ARF4: variants seen among roughly 807,000 people sequenced by gnomAD.
The protein encoded by ARF4 is ARF GTPase 4.
A neutral mutation model predicts 24.3 loss-of-function variants in ARF4; 5 were observed. The ratio of observed to expected loss-of-function variants is 0.21; its 90% CI spans 0.11 to 0.43. ARF4 has a LOEUF of 0.43. ARF4 is among the 20% of genes least tolerant of loss of function. ARF4 has a pLI of 1.00. For missense variants in ARF4, 107 were observed against 213.0 expected (o/e 0.50, Z 3.10); for synonymous variants, 62 against 73.5 (o/e 0.84, Z 0.80).
At chr3:57,593,034 A>T (rs777675129) in intron 1 of ARF4, among the ~76,000 whole-genome samples, 1 of 152,012 alleles carries the variant, frequency 6.6e-6, no homozygotes, top group African/African-American at 2.4e-5. Flanking sequence ...CAAGACCCCC[A>T]TTCTCTACAA....
chr3:57,597,119 G>A lies in ARF4; in HGVS notation c.22C>T (p.Leu8Phe), dbSNP rs2070199209. 6.2e-7 allele frequency: 1 copy of A among 1,614,126 alleles called. No homozygotes were observed. The highest frequency in any genetic ancestry group is 8.5e-7 in the Non-Finnish European group (1 of 1,179,976). Residue 8 changes from leucine (L) to phenylalanine (F), a missense_variant, in exon 1 of 6, where the codon CTC becomes TTC. Physicochemically the swap from Leu to Phe is conservative, Grantham distance 22. Coordinates refer to ENST00000303436, the MANE Select transcript of ARF4 (RefSeq NM_001660.4). ...TTCTTGCCAAATAGTCGGGAGAAGA[G>A]GGAGGAGATAGTGAGGCCCATGGCG... MGLTISSLFSRLFGKKQM... is the reference protein window; with the variant it reads MGLTISSFFSRLFGKKQM...
rs1415169700 is a variant in ARF4 at position 57,597,289 on chromosome 3, T to C, written c.-149A>G. On this transcript the variant is annotated 5_prime_UTR_variant, in exon 1 of 6. Transcript: ENST00000303436. ...GAGGCAGAAACGTCTCAGTGGCCCC[T>C]GTGCCGATGAAGATCCGGCACAGGA... The C allele has an allele frequency of 8.5e-6, 6 of 703,546 alleles. No individual in the cohort carries two copies. Among genetic ancestry groups the C allele is most frequent in the African/African-American group, 1.8e-5 (1 of 55,132 alleles). 43.6% of individuals were successfully genotyped at this position (703,546 alleles called of 1,614,324 possible).
chr3:57,577,186 T>G (rs898105873), intron 4 of ARF4, 130 bp downstream of exon 4: 48 of 760,958 alleles, frequency 6.3e-5, no homozygotes, highest in Non-Finnish European at 1.0e-4. Context: ...TAATATAGTT[T>G]CTTAAGTTTA....
chr3:57,582,810 C>T lies in ARF4; in HGVS notation c.258+1088G>A, dbSNP rs114919342. On this transcript the variant is annotated intron_variant, in intron 3 of 5. Coordinates refer to ENST00000303436, the MANE Select transcript of ARF4 (RefSeq NM_001660.4). The stretch of plus-strand genomic sequence containing the variant: ...TTCCTTGGGTGGTAGAAAACACAAT[C>T]GAGGTGGGACCAGGTTAAACAAAGG... 3.1e-3 allele frequency among the ~76,000 whole-genome samples: 473 copies of T among 152,222 alleles called. 2 individuals carry two copies. Among genetic ancestry groups the T allele is most frequent in the African/African-American group, 0.011 (447 of 41,540 alleles).
At chr3:57,572,625 G>A (rs571335561) in intron 5 of ARF4, among the ~76,000 whole-genome samples, 184 of 152,234 alleles carry the variant, frequency 1.2e-3, no homozygotes, top group Non-Finnish European at 2.3e-3. Context: ...GCAGTGAGCC[G>A]AGGCTGTGCC....
intron 1 of ARF4, among the ~76,000 whole-genome samples, chr3:57,585,036 G>A (rs984785606): frequency 8.5e-5 from 13 of 152,098 alleles, no homozygotes; most frequent in African/African-American, 2.9e-4. Flanking sequence ...GCTAATTTTT[G>A]TATTTTTAGT....
intron 3 of ARF4, among the ~76,000 whole-genome samples, chr3:57,582,110 C>T (rs1057186309): frequency 2.0e-5 from 3 of 152,168 alleles, no homozygotes; most frequent in Non-Finnish European, 4.4e-5. Flanking sequence ...ACAGTGGTTT[C>T]TGGTCCCAAG....
intron 1 of ARF4, among the ~76,000 whole-genome samples, chr3:57,587,955 CAT>C (rs1420732659): frequency 6.6e-6 from 1 of 152,166 alleles, no homozygotes; most frequent in African/African-American, 2.4e-5. Flanking sequence ...ACGAATTAAA[CAT>C]ATACAGTCAT....
chr3:57,590,341 C>A (rs2153409322), intron 1 of ARF4, among the ~76,000 whole-genome samples: 1 of 151,638 alleles, frequency 6.6e-6, no homozygotes, highest in Non-Finnish European at 1.5e-5. Flanking sequence ...CAAAAATTAG[C>A]CGGGCGCAGT....
intron 3 of ARF4, 118 bp downstream of exon 3, chr3:57,583,780 T>C: frequency 1.4e-6 from 1 of 728,506 alleles, no homozygotes; most frequent in Admixed American, 2.9e-5. Context: ...GAAGTGGTGA[T>C]AAGACAAATG....
chr3:57,573,322 C>T (rs1432816296), intron 5 of ARF4, among the ~76,000 whole-genome samples: 1 of 152,018 alleles, frequency 6.6e-6, no homozygotes, highest in African/African-American at 2.4e-5. Context: ...TTTTAAATGG[C>T]AACGAATCTT....
chr3:57,581,394 C>T (rs1224105924), intron 3 of ARF4, among the ~76,000 whole-genome samples: 2 of 152,132 alleles, frequency 1.3e-5, no homozygotes, highest in Non-Finnish European at 2.9e-5. Flanking sequence ...ATTAAGAATG[C>T]AAAGTAAATT....
At position 57,572,179 on chromosome 3, in the gene ARF4, C is replaced by T. The variant is rs775921715; in HGVS notation, c.*33G>A. The stretch of plus-strand genomic sequence containing the variant: ...TGTAACAAGCCTAGACCAATTTTAT[C>T]AAACATGTCCTTGGTTAGATATCCA... On this transcript the variant is annotated 3_prime_UTR_variant, in exon 6 of 6. Transcript: ENST00000303436. 1 of 1,568,632 alleles carries T rather than the reference C, an allele frequency of 6.4e-7. No individual in the cohort carries two copies.
At chr3:57,573,873 C>T (rs1343611106) in intron 5 of ARF4, among the ~76,000 whole-genome samples, 1 of 152,230 alleles carries the variant, frequency 6.6e-6, no homozygotes, top group East Asian at 1.9e-4. Flanking sequence ...TGAGCCACCA[C>T]ACCCGGCCCA....
intron 1 of ARF4, among the ~76,000 whole-genome samples, chr3:57,587,483 G>A (rs948510680): frequency 2.0e-5 from 3 of 151,694 alleles, no homozygotes; most frequent in East Asian, 3.8e-4. Flanking sequence ...TATGAATACT[G>A]TATGAATAAT....
intron 2 of ARF4, 179 bp from the exon 3 acceptor site, chr3:57,584,186 C>A (rs1575784591): frequency 1.4e-6 from 1 of 702,734 alleles, no homozygotes; most frequent in East Asian, 2.7e-5. Context: ...TGGTCTTGAA[C>A]TCCTGGGCTC....
chr3:57,579,017 C>T (rs1330047760), intron 3 of ARF4, among the ~76,000 whole-genome samples: 4 of 152,026 alleles, frequency 2.6e-5, no homozygotes, highest in Admixed American at 1.3e-4. Flanking sequence ...AGTAACGAGG[C>T]TGGTTGAGGT....
chr3:57,576,333 G>A (rs754813335), intron 4 of ARF4, among the ~76,000 whole-genome samples: 29 of 152,134 alleles, frequency 1.9e-4, no homozygotes, highest in Admixed American at 7.2e-4. Flanking sequence ...TGGTGTACGA[G>A]AGGAAGGAAA....
intron 1 of ARF4, among the ~76,000 whole-genome samples, chr3:57,591,979 T>A (rs1403208775): frequency 3.3e-5 from 5 of 152,152 alleles, no homozygotes; most frequent in African/African-American, 1.2e-4. Flanking sequence ...TAGACAATGG[T>A]GATGGTTACA....
Sources: allele counts gnomAD v4.1 joint callset (sites outside exome capture counted in the v4.1 genomes callset), GRCh38; gene constraint gnomAD v4.1.1; transcripts MANE v1.5; gene names NCBI Gene and HGNC (gene_info 2026-07-23, HGNC 2026-07-21).